Variants in LRRC4B observed in about 807,000 individuals in gnomAD.
The protein encoded by LRRC4B is leucine-rich repeat-containing protein 4B.
Under a neutral mutation model 7.3 loss-of-function variants are expected in LRRC4B, and 1 was observed. The observed-to-expected ratio is 0.14, with a 90% CI of 0.05 to 0.65. LRRC4B has a LOEUF of 0.65. LRRC4B is among the 30% of genes least tolerant of loss of function. The pLI is 0.84. For missense variants in LRRC4B, 730 were observed against 1,041.6 expected (o/e 0.70, Z 4.12); for synonymous variants, 500 against 499.2 (o/e 1.00, Z -0.02).
intron 2 of LRRC4B, among the ~76,000 whole-genome samples, chr19:50,531,108 C>T (rs1235016333): frequency 2.6e-5 from 4 of 152,222 alleles, no homozygotes; most frequent in African/African-American, 7.2e-5. Context: ...GGAAGTGGCA[C>T]AGCCAGGGTT....
intron 2 of LRRC4B, among the ~76,000 whole-genome samples, chr19:50,545,898 T>A (rs1981783112): frequency 6.6e-6 from 1 of 151,672 alleles, no homozygotes; most frequent in Non-Finnish European, 1.5e-5. Flanking sequence ...TAATTTTTGG[T>A]TTTTTAGTGG....
chr19:50,519,456 C>T lies in LRRC4B; in HGVS notation c.298-41G>A, dbSNP rs1396411535. 2 of 1,504,550 alleles carry T rather than the reference C, an allele frequency of 1.3e-6. No individual in the cohort carries two copies. The highest frequency in any genetic ancestry group is 2.1e-5 in the Admixed American group (1 of 47,456). The allele number at this position is 1,504,550 out of a possible 1,614,324, so 93.2% of individuals were successfully genotyped here. On this transcript the variant is annotated intron_variant, in intron 2 of 2. Transcript: ENST00000652263. This position sits in a 1 kb window ranked among gnomAD's most constrained non-coding sequence, Gnocchi z 8.1. ...CACGGATCAGTCACGGAGATACTGACGGGGACCGTGGGGGGATCACCAAGG... is the reference window on the plus strand; with the variant it reads ...CACGGATCAGTCACGGAGATACTGATGGGGACCGTGGGGGGATCACCAAGG...
chr19:50,517,740 T>G lies in LRRC4B; in HGVS notation c.1973A>C (p.Asp658Ala). The G allele has an allele frequency of 6.5e-7, 1 of 1,541,180 alleles. No individual in the cohort carries two copies. The highest frequency in any genetic ancestry group is 8.7e-7 in the Non-Finnish European group (1 of 1,146,032). The stretch of plus-strand genomic sequence containing the variant: ...CACGTAGTGGTGGTGGTTGAGGTGG[T>G]CTCGCTCCAGGGCGGGCAGGGCCAG... ...SHLALPALER[D>A]HLNHHHYVAA... Residue 658 changes from aspartate to alanine, a missense_variant, in exon 3 of 3, where the codon GAC (aspartate) becomes GCC (alanine). By Grantham distance (126) the Asp-to-Ala change is moderately radical. Transcript: ENST00000652263. The surrounding 1 kb of genome is among the most constrained non-coding windows in gnomAD (Gnocchi z 6.6).
intron 2 of LRRC4B, among the ~76,000 whole-genome samples, chr19:50,530,251 C>T (rs553847885): frequency 1.2e-4 from 19 of 152,312 alleles, no homozygotes; most frequent in Admixed American, 7.8e-4. Context: ...CTCCTCTAGA[C>T]GCCTCCGGGG....
At chr19:50,554,402 T>C (rs1165981524) in intron 1 of LRRC4B, among the ~76,000 whole-genome samples, 1 of 152,022 alleles carries the variant, frequency 6.6e-6, no homozygotes, top group African/African-American at 2.4e-5. Flanking sequence ...AAGTCCCAGA[T>C]ACTACACCTC....
chr19:50,551,524 C>A (rs1047162916), intron 1 of LRRC4B, among the ~76,000 whole-genome samples: 3 of 140,962 alleles, frequency 2.1e-5, no homozygotes, highest in African/African-American at 8.0e-5. Flanking sequence ...CGACCCCAGC[C>A]CCCTTAACTC....
intron 2 of LRRC4B, among the ~76,000 whole-genome samples, chr19:50,529,063 G>C (rs770220932): frequency 6.6e-6 from 1 of 152,122 alleles, no homozygotes; most frequent in African/African-American, 2.4e-5. Context: ...CTCTGCCAGG[G>C]GACCCCCCCA....
chr19:50,517,886 G>C lies in LRRC4B; in HGVS notation c.1827C>G (p.His609Gln), dbSNP rs371457674. 24 of 1,594,394 alleles carry C rather than the reference G, an allele frequency of 1.5e-5. No homozygotes were observed. The highest frequency in any genetic ancestry group is 2.0e-5 in the Non-Finnish European group (24 of 1,173,584). The change falls in exon 3 of 3, where the codon CAC becomes CAG. Residue 609 changes from histidine (H) to glutamine (Q), a missense_variant. Physicochemically the swap from His to Gln is conservative, Grantham distance 24 (BLOSUM62 0). Around this residue, in one of 6 missense-constraint regions of LRRC4B, gnomAD observed 160 missense variants for 163.9 expected, o/e 0.98. Transcript: ENST00000652263. The surrounding 1 kb of genome is among the most constrained non-coding windows in gnomAD (Gnocchi z 6.6). ...LRKQHQLHKH[H>Q]GPTRTVEIIN... ...TGATCTCCACGGTGCGCGTGGGCCCGTGGTGCTTGTGGAGCTGGTGCTGCT... is the reference window on the plus strand; with the variant it reads ...TGATCTCCACGGTGCGCGTGGGCCCCTGGTGCTTGTGGAGCTGGTGCTGCT...
At chr19:50,547,699 G>C (rs900001079) in intron 2 of LRRC4B, among the ~76,000 whole-genome samples, 3 of 149,566 alleles carry the variant, frequency 2.0e-5, no homozygotes, top group Admixed American at 6.8e-5. Flanking sequence ...ACACAGGACA[G>C]AGCCCCCCAC....
At position 50,548,945 on chromosome 19, in the gene LRRC4B, A is replaced by AG; in HGVS notation, c.-35-73_-35-72insC. On this transcript the variant is annotated intron_variant, in intron 1 of 2. Transcript: ENST00000652263. This position sits in a 1 kb window ranked among gnomAD's most constrained non-coding sequence, Gnocchi z 6.8. ...GCCCATGTGGCCTGGGTGCTTGCCA[A>AG]CACCCAGGCAGCCCCATCGCCGCCT... is the stretch of plus-strand genomic sequence containing the variant. 3 of 807,976 alleles carry AG rather than the reference A, an allele frequency of 3.7e-6. No individual in the cohort carries two copies. Among genetic ancestry groups the AG allele is most frequent in the Non-Finnish European group, 5.7e-6 (3 of 530,158 alleles). The allele number at this position is 807,976 out of a possible 1,614,324, so 50.1% of individuals were successfully genotyped here. A position where few individuals can be genotyped will look rare whatever the true frequency, so the allele number is the denominator to read the frequency against.
intron 1 of LRRC4B, among the ~76,000 whole-genome samples, chr19:50,566,776 T>G (rs1210691612): frequency 2.9e-5 from 4 of 136,584 alleles, no homozygotes; most frequent in South Asian, 2.4e-4. Flanking sequence ...GGTCTGAGAC[T>G]GGGGAGTACT....
At chr19:50,554,730 C>T (rs56056051) in intron 1 of LRRC4B, among the ~76,000 whole-genome samples, 3,860 of 152,322 alleles carry the variant, frequency 0.025, 157 homozygotes, top group African/African-American at 0.085. Flanking sequence ...CATTAGCCAC[C>T]GCAGTTCACA....
At position 50,537,920 on chromosome 19, in the gene LRRC4B, C is replaced by T. The variant is rs1345114098; in HGVS notation, c.297+10622G>A. 6.6e-6 allele frequency among the ~76,000 whole-genome samples: 1 copy of T among 152,158 alleles called. No individual in the cohort carries two copies. Among genetic ancestry groups the T allele is most frequent in the Non-Finnish European group, 1.5e-5 (1 of 68,030 alleles). ...GCCCGGGAACGGACGGCAGAGGGCGCACTGCTCCCTCCTATCCAGAGGACC... is the reference window on the plus strand; with the variant it reads ...GCCCGGGAACGGACGGCAGAGGGCGTACTGCTCCCTCCTATCCAGAGGACC... On this transcript the variant is annotated intron_variant, in intron 2 of 2. Coordinates refer to ENST00000652263, the MANE Select transcript of LRRC4B (RefSeq NM_001080457.2). The surrounding 1 kb of genome is among the most constrained non-coding windows in gnomAD (Gnocchi z 5.5).
At chr19:50,524,912 T>C (rs1406059634) in intron 2 of LRRC4B, among the ~76,000 whole-genome samples, 1 of 152,140 alleles carries the variant, frequency 6.6e-6, no homozygotes, top group African/African-American at 2.4e-5. Context: ...CAGTCACCTT[T>C]TGTCCATCCA....
intron 1 of LRRC4B, among the ~76,000 whole-genome samples, chr19:50,552,710 G>GTCCA (rs773069370): frequency 1.4e-5 from 1 of 70,994 alleles, no homozygotes; most frequent in Non-Finnish European, 3.0e-5. Flanking sequence ...CCGCCCATCC[G>GTCCA]TCCATCCGTC....
intron 1 of LRRC4B, among the ~76,000 whole-genome samples, chr19:50,566,399 G>A (rs1186775420): frequency 6.6e-6 from 1 of 151,306 alleles, no homozygotes; most frequent in African/African-American, 2.4e-5. Flanking sequence ...GGGCAGCCCC[G>A]AGGCTCCCTT....
At position 50,518,688 on chromosome 19, in the gene LRRC4B, G is replaced by A. The variant is rs1980417829; in HGVS notation, c.1025C>T (p.Ala342Val). Residue 342 changes from alanine to valine, a missense_variant, in exon 3 of 3, where the codon GCG becomes GTG. By Grantham distance (64) the Ala-to-Val change is moderately conservative. Around this residue, in one of 6 missense-constraint regions of LRRC4B, gnomAD observed 226 missense variants for 448.0 expected, o/e 0.50. Transcript: ENST00000652263. ...GTAGCGCCCCTTGAGGCCGGCGGGC[G>A]CATGACAGCGGGCGCAGCACGTCGT... Reference protein sequence around the residue: ...SNTTCCARCHAPAGLKGRYIG... With the variant: ...SNTTCCARCHVPAGLKGRYIG... The A allele has an allele frequency of 1.9e-6, 3 of 1,613,766 alleles. No homozygotes were observed. The highest frequency in any genetic ancestry group is 1.1e-5 in the South Asian group (1 of 91,064).
At chr19:50,560,172 G>A (rs1300635572) in intron 1 of LRRC4B, among the ~76,000 whole-genome samples, 1 of 152,124 alleles carries the variant, frequency 6.6e-6, no homozygotes, top group African/African-American at 2.4e-5. Flanking sequence ...TGCAGATTCT[G>A]CATCGCCATA....
rs899632340 is a variant in LRRC4B at position 50,556,412 on chromosome 19, G to A, written c.-35-7539C>T. ...GGCTCTTCCCATCCACACCAGACCC[G>A]TTCCCCTGAGGGGACTTTGCCCCTG... On this transcript the variant is annotated intron_variant, in intron 1 of 2. Transcript: ENST00000652263. The surrounding 1 kb of genome is among the most constrained non-coding windows in gnomAD (Gnocchi z 4.2). Among the ~76,000 whole-genome samples the A allele has an allele frequency of 6.6e-6, 1 of 152,038 alleles. No homozygotes were observed. Among genetic ancestry groups the A allele is most frequent in the African/African-American group, 2.4e-5 (1 of 41,424 alleles).
Sources: gnomAD v4.1 joint callset for allele counts (sites outside exome capture counted in the v4.1 genomes callset) on GRCh38, gnomAD v4.1.1 for gene constraint, gnomAD v4.1.1 regional missense constraint, Gnocchi (gnomAD v3.1) non-coding constraint, MANE v1.5 for transcripts, NCBI Gene and HGNC (gene_info 2026-07-23, HGNC 2026-07-21) for gene names.